AKR1C8: variants seen among roughly 807,000 people sequenced by gnomAD.
AKR1C8 encodes the protein aldo-keto reductase family 1 member C-like protein 1.
At chr10:5,171,987 A>G in the AKR1C8 span, among the ~76,000 whole-genome samples, 2 of 152,212 alleles carry the variant, frequency 1.3e-5, no homozygotes, top group East Asian at 1.9e-4. Context: ...ACTTTCAGCA[A>G]CCTTTACTTT....
At chr10:5,138,366 C>T in the AKR1C8 span, among the ~76,000 whole-genome samples, 2 of 152,130 alleles carry the variant, frequency 1.3e-5, no homozygotes, top group African/African-American at 2.4e-5. Context: ...CCTACTTGCA[C>T]GTCCATTTAT....
the AKR1C8 span, chr10:5,154,883 C>T: frequency 1.3e-5 from 2 of 152,226 alleles, no homozygotes; most frequent in Non-Finnish European, 2.9e-5. Flanking sequence ...ATGTTGGGCT[C>T]TCCAGAGGTG....
At chr10:5,161,496 A>G in the AKR1C8 span, among the ~76,000 whole-genome samples, 1 of 152,192 alleles carries the variant, frequency 6.6e-6, no homozygotes, top group Non-Finnish European at 1.5e-5. Context: ...TTCCCATTGT[A>G]TCTCTGCAGT....
the AKR1C8 span, among the ~76,000 whole-genome samples, chr10:5,134,417 G>C: frequency 2.0e-5 from 3 of 152,166 alleles, no homozygotes; most frequent in African/African-American, 7.2e-5. Flanking sequence ...TTTTCTTCCA[G>C]TATAGAAATA....
At chr10:5,153,609 G>T in the AKR1C8 span, among the ~76,000 whole-genome samples, 1 of 152,140 alleles carries the variant, frequency 6.6e-6, no homozygotes. Context: ...TTACAGTCAT[G>T]GTGGAAGGCA....
At chr10:5,184,472 T>C in the AKR1C8 span, among the ~76,000 whole-genome samples, 3 of 152,180 alleles carry the variant, frequency 2.0e-5, no homozygotes, top group Non-Finnish European at 4.4e-5. Context: ...GTTGAAACTC[T>C]CTGGCAAATA....
At chr10:5,133,329 G>A in the AKR1C8 span, among the ~76,000 whole-genome samples, 1 of 152,060 alleles carries the variant, frequency 6.6e-6, no homozygotes, top group African/African-American at 2.4e-5. Context: ...CCAAACTCAA[G>A]GGATCCACCT....
the AKR1C8 span, chr10:5,161,899 T>C: frequency 1.1e-5 from 6 of 534,492 alleles, no homozygotes; most frequent in Admixed American, 3.9e-5. Context: ...ATCTACATAG[T>C]CCGGTCCAAG....
the AKR1C8 span, among the ~76,000 whole-genome samples, chr10:5,138,829 A>C: frequency 6.6e-6 from 1 of 152,142 alleles, no homozygotes; most frequent in Non-Finnish European, 1.5e-5. Context: ...CAAGAGAAAG[A>C]AATAAAGAGT....
chr10:5,166,496 C>T, the AKR1C8 span, among the ~76,000 whole-genome samples: 3 of 152,160 alleles, frequency 2.0e-5, no homozygotes, highest in Admixed American at 1.3e-4. Flanking sequence ...TATCTACAAC[C>T]ACCTGATCTT....
At chr10:5,139,281 A>C in the AKR1C8 span, among the ~76,000 whole-genome samples, 1 of 152,204 alleles carries the variant, frequency 6.6e-6, no homozygotes, top group South Asian at 2.1e-4. Context: ...GACTTTCTTC[A>C]CAGAATTGGA....
At chr10:5,183,153 A>G in the AKR1C8 span, among the ~76,000 whole-genome samples, 1 of 152,160 alleles carries the variant, frequency 6.6e-6, no homozygotes, top group African/African-American at 2.4e-5. Context: ...TTATGAACTA[A>G]CCAACAATCT....
At chr10:5,169,965 C>T in the AKR1C8 span, among the ~76,000 whole-genome samples, 1 of 152,016 alleles carries the variant, frequency 6.6e-6, no homozygotes, top group Non-Finnish European at 1.5e-5. Context: ...GGGGTTGCTT[C>T]CTTAGCTTTC....
At chr10:5,126,357 GA>G in the AKR1C8 span, among the ~76,000 whole-genome samples, 2 of 152,136 alleles carry the variant, frequency 1.3e-5, no homozygotes, top group African/African-American at 2.4e-5. Flanking sequence ...CATTTCTACA[GA>G]TGAAAAGAGG....
the AKR1C8 span, among the ~76,000 whole-genome samples, chr10:5,142,797 G>A: frequency 6.6e-6 from 1 of 152,084 alleles, no homozygotes; most frequent in African/African-American, 2.4e-5. Context: ...GTGGAAGTTT[G>A]AAATATTGCA....
chr10:5,144,685 G>A, the AKR1C8 span, among the ~76,000 whole-genome samples: 2 of 152,120 alleles, frequency 1.3e-5, no homozygotes, highest in South Asian at 4.1e-4. Flanking sequence ...TGTTATTGGT[G>A]TATAAGAATG....
chr10:5,183,095 A>G, the AKR1C8 span, among the ~76,000 whole-genome samples: 9 of 152,156 alleles, frequency 5.9e-5, no homozygotes, highest in Non-Finnish European at 1.2e-4. Context: ...TAGTCTCACT[A>G]ATTATTTTTA....
chr10:5,152,247 T>C, the AKR1C8 span, among the ~76,000 whole-genome samples: 3 of 152,174 alleles, frequency 2.0e-5, no homozygotes, highest in Admixed American at 1.3e-4. Flanking sequence ...ACAACAGGTG[T>C]GCTATAGTTT....
the AKR1C8 span, among the ~76,000 whole-genome samples, chr10:5,172,940 G>A: frequency 3.3e-5 from 5 of 152,132 alleles, no homozygotes; most frequent in East Asian, 9.7e-4. Flanking sequence ...TCCAGATGAG[G>A]CCCTTTAAGA....
Sources: allele counts gnomAD v4.1 joint callset (sites outside exome capture counted in the v4.1 genomes callset), GRCh38; gene constraint gnomAD v4.1.1; transcripts MANE v1.5; gene names NCBI Gene and HGNC (gene_info 2026-07-23, HGNC 2026-07-21).